Variants in DNM1L observed in about 807,000 individuals in gnomAD.
The protein encoded by DNM1L is dynamin-1-like protein.
A neutral mutation model predicts 92.8 loss-of-function variants in DNM1L; 33 were observed. That is an observed-to-expected ratio of 0.36 (90% CI 0.27 to 0.48). The LOEUF is 0.48. Among genes scored for constraint, DNM1L ranks in the 20% least tolerant of loss-of-function variants. The pLI is 0.99. For synonymous variants in DNM1L, 284 were observed against 305.0 expected (o/e 0.93, Z 0.72); for missense variants, 485 against 888.8 (o/e 0.55, Z 5.78).
At position 32,733,825 on chromosome 12, in the gene DNM1L, A is replaced by G; in HGVS notation, c.1539+18A>G. ...ATATAGAGGTAAATATAATTCTTAAATGCTTTTTCACAGGTAGAAAAATCT... is the reference window on the plus strand; with the variant it reads ...ATATAGAGGTAAATATAATTCTTAAGTGCTTTTTCACAGGTAGAAAAATCT... On this transcript the variant is annotated intron_variant, in intron 13 of 19. Coordinates refer to ENST00000549701, the MANE Select transcript of DNM1L (RefSeq NM_012062.5). 13 of 1,605,508 alleles carry G rather than the reference A, an allele frequency of 8.1e-6. No individual in the cohort carries two copies. The highest frequency in any genetic ancestry group is 1.1e-5 in the Non-Finnish European group (13 of 1,172,438).
Position 32,737,171 on chromosome 12 carries a change from T to C in DNM1L, c.1596+10T>C, listed in dbSNP as rs1274010503. Reference sequence around the variant, plus strand: ...TGTATCACGAGACAAGGTAAAAAAATGTTTTTAATGCATATTCCCAATACC... The same window carrying C: ...TGTATCACGAGACAAGGTAAAAAAACGTTTTTAATGCATATTCCCAATACC... On this transcript the variant is annotated intron_variant, in intron 14 of 19. Transcript: ENST00000549701. 1 of 1,613,322 alleles carries C rather than the reference T, an allele frequency of 6.2e-7. No homozygotes were observed. Among genetic ancestry groups the C allele is most frequent in the East Asian group, 2.2e-5 (1 of 44,770 alleles).
intron 9 of DNM1L, among the ~76,000 whole-genome samples, chr12:32,730,666 G>C (rs1248258167): frequency 6.6e-6 from 1 of 152,218 alleles, no homozygotes; most frequent in Non-Finnish European, 1.5e-5. Context: ...CTCTACTTCA[G>C]ATTGTGAATC....
In DNM1L at chr12:32,745,400, A is replaced by G. The variant is rs957161074; in HGVS notation, c.*1990A>G. The G allele has an allele frequency of 6.3e-6, 1 of 158,800 alleles. No homozygotes were observed. Among genetic ancestry groups the G allele is most frequent in the Non-Finnish European group, 1.4e-5 (1 of 72,958 alleles). The allele number at this position is 158,800 out of a possible 1,614,324, so 9.8% of individuals were successfully genotyped here. ...TTGCTAGTACTACACACTTTGTACA[A>G]CAAAAAACAGAGGCAAGAAACAACG... is the stretch of plus-strand genomic sequence containing the variant. On this transcript the variant is annotated 3_prime_UTR_variant, in exon 20 of 20. Coordinates refer to ENST00000549701, the MANE Select transcript of DNM1L (RefSeq NM_012062.5).
At chr12:32,726,607 C>A (rs144410129) in intron 9 of DNM1L, 1 of 1,131,976 alleles carries the variant, frequency 8.8e-7, no homozygotes, top group Admixed American at 1.9e-5. Context: ...ATAGCTTCAG[C>A]ATCATCATCC....
Position 32,717,903 on chromosome 12 carries a change from G to C in DNM1L, c.620-740G>C, listed in dbSNP as rs1211883321. On this transcript the variant is annotated intron_variant, in intron 6 of 19. Coordinates refer to ENST00000549701, the MANE Select transcript of DNM1L (RefSeq NM_012062.5). ...TATATATTTATATATACTATATATA[G>C]TATATATATAAAATATAGTATATAT... 5.2e-3 allele frequency among the ~76,000 whole-genome samples: 416 copies of C among 79,318 alleles called. 15 individuals carry two copies. The highest frequency in any genetic ancestry group is 0.021 in the African/African-American group (388 of 18,446). The allele number at this position is 79,318 out of a possible 152,430, so 52.0% of individuals were successfully genotyped here. A position where few individuals can be genotyped will look rare whatever the true frequency, so the allele number is the denominator to read the frequency against.
At chr12:32,708,268 A>G (rs1323396942) in intron 4 of DNM1L, 44 bp downstream of exon 4, 1 of 1,243,108 alleles carries the variant, frequency 8.0e-7, no homozygotes, top group South Asian at 1.2e-5. Flanking sequence ...ATCAGTAAAT[A>G]TATAATTGAG....
chr12:32,717,856 A>G lies in DNM1L; in HGVS notation c.620-787A>G, dbSNP rs1313029167. Among the ~76,000 whole-genome samples, 4 of 115,548 alleles carry G rather than the reference A, an allele frequency of 3.5e-5. 1 individual carries two copies. Among genetic ancestry groups the G allele is most frequent in the Non-Finnish European group, 6.6e-5 (4 of 60,916 alleles). The allele number at this position is 115,548 out of a possible 152,430, so 75.8% of individuals were successfully genotyped here. ...TATATACTATATATATTTTATAAAT[A>G]TACTATATATAGTATATACTATATA... On this transcript the variant is annotated intron_variant, in intron 6 of 19. Transcript: ENST00000549701.
chr12:32,740,619 TC>T (rs1955222627), intron 18 of DNM1L, 101 bp downstream of exon 18: 1 of 1,095,928 alleles, frequency 9.1e-7, no homozygotes, highest in Non-Finnish European at 1.3e-6. Flanking sequence ...AGGTTTTTAT[TC>T]TAAATCATCA....
At chr12:32,682,358 C>G (rs1350701753) in intron 1 of DNM1L, among the ~76,000 whole-genome samples, 1 of 152,080 alleles carries the variant, frequency 6.6e-6, no homozygotes. Flanking sequence ...TATCCAACTC[C>G]CGACCTCAGG....
At position 32,737,929 on chromosome 12, in the gene DNM1L, A is replaced by C; in HGVS notation, c.1661A>C (p.Glu554Ala). 6.2e-7 allele frequency: 1 copy of C among 1,613,888 alleles called. No individual in the cohort carries two copies. Among genetic ancestry groups the C allele is most frequent in the Non-Finnish European group, 8.5e-7 (1 of 1,179,986 alleles). The change falls in exon 15 of 20, where the codon GAG becomes GCG. Residue 554 changes from glutamate to alanine, a missense_variant. Physicochemically the swap from Glu to Ala is moderately radical, Grantham distance 107. Around this residue, in one of 11 missense-constraint regions of DNM1L, gnomAD observed 65 missense variants for 59.4 expected, o/e 1.09. Transcript: ENST00000549701. ...GAGCCCTCCCCCGCTGCTTCTGCTG[A>C]GGCTGATGGCAAGGTCTGTTCTGAT... is the stretch of plus-strand genomic sequence containing the variant. Reference protein sequence around the residue: ...SQEPSPAASAEADGKLIQDSR... With the variant: ...SQEPSPAASAAADGKLIQDSR...
intron 13 of DNM1L, among the ~76,000 whole-genome samples, chr12:32,736,361 G>C (rs929803485): frequency 3.3e-5 from 5 of 152,122 alleles, no homozygotes; most frequent in Non-Finnish European, 7.4e-5. Flanking sequence ...GAGGCACTGT[G>C]CCCGGCCAAT....
intron 9 of DNM1L, among the ~76,000 whole-genome samples, chr12:32,723,636 G>A (rs1265227360): frequency 2.7e-5 from 4 of 150,168 alleles, no homozygotes; most frequent in Non-Finnish European, 5.9e-5. Context: ...GGAGGTTGTG[G>A]TGAGCCGAGA....
At chr12:32,687,976 G>A (rs1952089103) in intron 1 of DNM1L, among the ~76,000 whole-genome samples, 1 of 152,136 alleles carries the variant, frequency 6.6e-6, no homozygotes, top group Admixed American at 6.6e-5. Context: ...CCAGGCTGGA[G>A]TGCAGTGGCG....
intron 1 of DNM1L, among the ~76,000 whole-genome samples, chr12:32,688,021 G>A (rs984703303): frequency 6.6e-6 from 1 of 152,050 alleles, no homozygotes; most frequent in Non-Finnish European, 1.5e-5. Flanking sequence ...TGCCTCCTGG[G>A]TTCAAGCGAT....
At chr12:32,714,786 A>G (rs946745023) in intron 6 of DNM1L, among the ~76,000 whole-genome samples, 1 of 151,164 alleles carries the variant, frequency 6.6e-6, no homozygotes, top group African/African-American at 2.4e-5. Context: ...CAGGAGTTCG[A>G]GACCAGCCTG....
chr12:32,715,649 T>C (rs1204065957), intron 6 of DNM1L, among the ~76,000 whole-genome samples: 2 of 152,086 alleles, frequency 1.3e-5, no homozygotes. Context: ...TGAGAATCAC[T>C]TGAACTGTGG....
intron 3 of DNM1L, among the ~76,000 whole-genome samples, chr12:32,707,809 CGCGT>C (rs1403743910): frequency 6.6e-6 from 1 of 151,776 alleles, no homozygotes; most frequent in Non-Finnish European, 1.5e-5. Context: ...AAATTAGCCC[CGCGT>C]GGTGGCATGC....
chr12:32,709,501 G>C (rs939315237), intron 4 of DNM1L: 1 of 152,126 alleles, frequency 6.6e-6, no homozygotes, highest in African/African-American at 2.4e-5. Flanking sequence ...TTTAATTTAT[G>C]TTGAGGATAT....
At chr12:32,695,890 A>G (rs1440354414) in intron 1 of DNM1L, among the ~76,000 whole-genome samples, 2 of 152,222 alleles carry the variant, frequency 1.3e-5, no homozygotes, top group Non-Finnish European at 2.9e-5. Context: ...GAGGGAAAGA[A>G]GCTGAAAAGG....
Sources: allele counts gnomAD v4.1 joint callset (sites outside exome capture counted in the v4.1 genomes callset), GRCh38; gene constraint gnomAD v4.1.1; regional missense constraint gnomAD v4.1.1; transcripts MANE v1.5; gene names NCBI Gene and HGNC (gene_info 2026-07-23, HGNC 2026-07-21).